The following AP3S2 variants were observed in gnomAD, a reference collection of about 807,000 sequenced individuals.
The protein encoded by AP3S2 is adaptor related protein complex 3 subunit sigma 2.
In AP3S2, 22 loss-of-function variants were observed where a neutral mutation model predicts 23.4. The ratio of observed to expected loss-of-function variants is 0.94; its 90% CI spans 0.67 to 1.34. The LOEUF is 1.34. Ranked by LOEUF, AP3S2 falls within the 40% of genes most tolerant of loss-of-function variation. The pLI is 0.00. For synonymous variants in AP3S2, 86 were observed against 87.1 expected (o/e 0.99, Z 0.07); for missense variants, 241 against 236.9 (o/e 1.02, Z -0.11).
chr15:89,878,328 T>C, intron 3 of AP3S2: 1 of 614,170 alleles, frequency 1.6e-6, no homozygotes, highest in South Asian at 1.9e-5. Flanking sequence ...ACCAATGGAG[T>C]AGGAGAAAAT....
intron 4 of AP3S2, among the ~76,000 whole-genome samples, chr15:89,847,375 C>CAAAAA (rs11314336): frequency 1.6e-5 from 1 of 62,596 alleles, no homozygotes. Context: ...GACCCTGTTA[C>CAAAAA]AAAAAAAAAA....
intron 1 of AP3S2, among the ~76,000 whole-genome samples, chr15:89,891,129 G>A (rs1213782403): frequency 1.3e-5 from 2 of 152,172 alleles, no homozygotes; most frequent in African/African-American, 4.8e-5. Context: ...GAAGTGGTAC[G>A]AAATGATGAG....
At chr15:89,875,058 G>A (rs919004226) in intron 3 of AP3S2, among the ~76,000 whole-genome samples, 7 of 152,136 alleles carry the variant, frequency 4.6e-5, no homozygotes, top group East Asian at 1.9e-4. Context: ...AAAAAGCAAC[G>A]GCAGATCCCC....
At chr15:89,857,216 A>T (rs1895862311) in intron 4 of AP3S2, among the ~76,000 whole-genome samples, 1 of 152,186 alleles carries the variant, frequency 6.6e-6, no homozygotes, top group South Asian at 2.1e-4. Flanking sequence ...TCCTGACCTC[A>T]AGTGATCCAT....
At chr15:89,844,406 T>C (rs1258901737) in intron 4 of AP3S2, among the ~76,000 whole-genome samples, 4 of 151,668 alleles carry the variant, frequency 2.6e-5, no homozygotes, top group Non-Finnish European at 5.9e-5. Context: ...GCCATGATAA[T>C]AGCTCACTGC....
At chr15:89,845,689 C>CG (rs1895470461) in intron 4 of AP3S2, 1 of 152,190 alleles carries the variant, frequency 6.6e-6, no homozygotes. Flanking sequence ...CAAACCAACA[C>CG]AGGGAGGCTG....
chr15:89,861,195 A>G (rs1896002423), intron 4 of AP3S2, among the ~76,000 whole-genome samples: 1 of 152,200 alleles, frequency 6.6e-6, no homozygotes, highest in East Asian at 1.9e-4. Flanking sequence ...TTAGCAGCCT[A>G]TGCTTAGCAG....
Position 89,835,337 on chromosome 15 carries a change from G to T in AP3S2, c.*178C>A. 1.9e-6 allele frequency: 2 copies of T among 1,078,398 alleles called. No individual in the cohort carries two copies. Among genetic ancestry groups the T allele is most frequent in the Non-Finnish European group, 2.6e-6 (2 of 762,232 alleles). The allele number at this position is 1,078,398 out of a possible 1,614,324, so 66.8% of individuals were successfully genotyped here. A position where few individuals can be genotyped will look rare whatever the true frequency, so the allele number is the denominator to read the frequency against. On this transcript the variant is annotated 3_prime_UTR_variant, in exon 6 of 6. Coordinates refer to ENST00000336418, the MANE Select transcript of AP3S2 (RefSeq NM_005829.5). Reference sequence around the variant, plus strand: ...ACATGTGAGAACTGGGTGCACCCGAGCAGTGTCAATAGGAATCCCTTCCCT... The same window carrying T: ...ACATGTGAGAACTGGGTGCACCCGATCAGTGTCAATAGGAATCCCTTCCCT...
intron 4 of AP3S2, among the ~76,000 whole-genome samples, chr15:89,841,473 G>T (rs1325578030): frequency 6.6e-6 from 1 of 152,170 alleles, no homozygotes; most frequent in Non-Finnish European, 1.5e-5. Context: ...TGTACTTCCT[G>T]TGGGTAAAGG....
At chr15:89,863,999 T>C (rs903471730) in intron 4 of AP3S2, among the ~76,000 whole-genome samples, 6 of 152,236 alleles carry the variant, frequency 3.9e-5, no homozygotes, top group African/African-American at 1.4e-4. Context: ...TCAGACATTC[T>C]AAAGCTGAAT....
At chr15:89,838,205 C>G (rs1271852724) in intron 4 of AP3S2, 1 of 158,538 alleles carries the variant, frequency 6.3e-6, no homozygotes, top group Non-Finnish European at 1.4e-5. Flanking sequence ...CCAGCTATGA[C>G]AGAATAATCC....
intron 5 of AP3S2, 84 bp from the exon 6 acceptor site, chr15:89,835,727 A>G: frequency 6.7e-7 from 1 of 1,481,910 alleles, no homozygotes; most frequent in South Asian, 1.3e-5. Flanking sequence ...AAAAAAGCAA[A>G]AACAAAAACA....
At chr15:89,860,298 T>C (rs1252617592) in intron 4 of AP3S2, among the ~76,000 whole-genome samples, 1 of 152,168 alleles carries the variant, frequency 6.6e-6, no homozygotes, top group African/African-American at 2.4e-5. Flanking sequence ...CAACGATAAC[T>C]AATAATAAAA....
intron 1 of AP3S2, 91 bp from the exon 2 acceptor site, chr15:89,889,231 G>T: frequency 7.3e-7 from 1 of 1,364,366 alleles, no homozygotes; most frequent in Non-Finnish European, 1.0e-6. Flanking sequence ...GTGTTTCTAA[G>T]CTGGGAACAT....
chr15:89,871,619 A>G, intron 3 of AP3S2, 73 bp from the exon 4 acceptor site: 1 of 1,481,100 alleles, frequency 6.8e-7, no homozygotes, highest in South Asian at 1.2e-5. Context: ...GTCACATCTG[A>G]AAGTAAAAGG....
rs1311900219 is a variant in AP3S2 at position 89,868,120 on chromosome 15, G to C, written c.345+3355C>G. Among the ~76,000 whole-genome samples, 13 of 110,708 alleles carry C rather than the reference G, an allele frequency of 1.2e-4. No individual in the cohort carries two copies. In the East Asian group the frequency reaches 3.6e-3, roughly 31 times the overall value. The allele number at this position is 110,708 out of a possible 152,430, so 72.6% of individuals were successfully genotyped here. ...ACCCCGTCCGGGAGGGAGATGGGGG[G>C]GTCAGCCCCCCCACCCGGCCAGCCG... On this transcript the variant is annotated intron_variant, in intron 4 of 5. Transcript: ENST00000336418.
At chr15:89,891,339 C>A (rs978666295) in intron 1 of AP3S2, among the ~76,000 whole-genome samples, 1 of 152,212 alleles carries the variant, frequency 6.6e-6, no homozygotes, top group East Asian at 1.9e-4. Context: ...TGCTCAACAT[C>A]ATTAGTCATT....
intron 4 of AP3S2, among the ~76,000 whole-genome samples, chr15:89,858,899 G>T (rs1030756154): frequency 6.6e-5 from 10 of 152,210 alleles, no homozygotes; most frequent in Non-Finnish European, 1.2e-4. Context: ...ACTTGAAGCA[G>T]CAGGTAATCA....
chr15:89,880,989 G>A (rs1316867208), intron 3 of AP3S2, among the ~76,000 whole-genome samples: 1 of 152,200 alleles, frequency 6.6e-6, no homozygotes, highest in Non-Finnish European at 1.5e-5. Flanking sequence ...AGGATGATGT[G>A]ACAGGGGTTA....
Sources: gnomAD v4.1 joint callset for allele counts (sites outside exome capture counted in the v4.1 genomes callset) on GRCh38, gnomAD v4.1.1 for gene constraint, MANE v1.5 for transcripts, NCBI Gene and HGNC (gene_info 2026-07-23, HGNC 2026-07-21) for gene names.